Variants in AGTR1 observed in about 807,000 individuals in gnomAD.
The protein encoded by AGTR1 is angiotensin II receptor type 1, also known as type-1 angiotensin II receptor.
In AGTR1, 16 loss-of-function variants were observed where a neutral mutation model predicts 19.4. The ratio of observed to expected loss-of-function variants is 0.82; its 90% CI spans 0.56 to 1.25. The LOEUF (loss-of-function observed/expected upper bound fraction) is 1.25. Among genes scored for constraint, AGTR1 ranks in the 50% most tolerant of loss-of-function variants. The pLI is 0.00. For synonymous variants in AGTR1, 153 were observed against 154.9 expected (o/e 0.99, Z 0.09); for missense variants, 373 against 431.9 (o/e 0.86, Z 1.21).
intron 1 of AGTR1, among the ~76,000 whole-genome samples, chr3:148,706,870 C>A (rs1390773690): frequency 6.6e-6 from 1 of 151,824 alleles, no homozygotes; most frequent in Non-Finnish European, 1.5e-5. Flanking sequence ...ATTGGTATAA[C>A]CTTAACGGAG....
intron 2 of AGTR1, among the ~76,000 whole-genome samples, chr3:148,709,841 T>G (rs1712881684): frequency 6.6e-6 from 1 of 152,110 alleles, no homozygotes; most frequent in Admixed American, 6.6e-5. Flanking sequence ...ACCAAAAAAT[T>G]TATGCTGAAA....
chr3:148,700,872 T>G (rs1325738081), intron 1 of AGTR1, among the ~76,000 whole-genome samples: 1 of 152,222 alleles, frequency 6.6e-6, no homozygotes, highest in Non-Finnish European at 1.5e-5. Flanking sequence ...TTTTCAAAAT[T>G]GCCTAAGATC....
intron 2 of AGTR1, among the ~76,000 whole-genome samples, chr3:148,729,182 G>A (rs774172175): frequency 4.6e-5 from 7 of 152,190 alleles, no homozygotes; most frequent in Non-Finnish European, 8.8e-5. Context: ...GTCACGTGCT[G>A]AACGTGAAGG....
At chr3:148,715,707 G>A (rs1713270368) in intron 2 of AGTR1, among the ~76,000 whole-genome samples, 1 of 152,096 alleles carries the variant, frequency 6.6e-6, no homozygotes, top group Non-Finnish European at 1.5e-5. Context: ...ATTTTAGCAA[G>A]CATATTTCAA....
At chr3:148,731,299 T>TGGG (rs1420367713) in intron 2 of AGTR1, 1 of 152,174 alleles carries the variant, frequency 6.6e-6, no homozygotes, top group African/African-American at 2.4e-5. Context: ...TATACGTTGT[T>TGGG]CAGATTTGCC....
rs775785296 is a variant in AGTR1, at chr3:148,741,713, T to C, written c.678T>C (p.Tyr226=). 12 of 1,614,122 alleles carry C rather than the reference T, an allele frequency of 7.4e-6. No individual in the cohort carries two copies. The highest frequency in any genetic ancestry group is 1.0e-5 in the Non-Finnish European group (12 of 1,179,986). ...TTTGGAAGGCCCTAAAGAAGGCTTA[T>C]GAAATTCAGAAGAACAAACCAAGAA... The part of the protein sequence containing the change: ...TLIWKALKKA[Y]EIQKNKPRND... Residue 226 remains tyrosine (Y), a synonymous_variant, in exon 3 of 3, where the codon TAT becomes TAC. Transcript: ENST00000349243.
chr3:148,730,594 A>T (rs1714199956), intron 2 of AGTR1: 1 of 167,024 alleles, frequency 6.0e-6, no homozygotes, highest in Non-Finnish European at 1.3e-5. Context: ...TGTTTGTTGG[A>T]TTGGTTTTGC....
At chr3:148,725,985 A>G (rs969544562) in intron 2 of AGTR1, among the ~76,000 whole-genome samples, 1 of 152,202 alleles carries the variant, frequency 6.6e-6, no homozygotes, top group Non-Finnish European at 1.5e-5. Flanking sequence ...TAGTGTATTC[A>G]TACTGAATGG....
chr3:148,741,192 A>G lies in AGTR1; in HGVS notation c.157A>G (p.Ile53Val). ...IFGNSLVVIV[I>V]YFYMKLKTVA... ...TGGAAACAGCTTGGTGGTGATAGTC[A>G]TTTACTTTTATATGAAGCTGAAGAC... The change falls in exon 3 of 3, where the codon ATT becomes GTT. Residue 53 changes from isoleucine to valine, a missense_variant. By Grantham distance (29) the Ile-to-Val change is conservative (BLOSUM62 3). Coordinates refer to ENST00000349243, the MANE Select transcript of AGTR1 (RefSeq NM_000685.5). 1 of 1,614,092 alleles carries G rather than the reference A, an allele frequency of 6.2e-7. No homozygotes were observed. The highest frequency in any genetic ancestry group is 1.1e-5 in the South Asian group (1 of 91,080).
At chr3:148,717,301 CA>C (rs575940441) in intron 2 of AGTR1, among the ~76,000 whole-genome samples, 170 of 150,636 alleles carry the variant, frequency 1.1e-3, no homozygotes, top group African/African-American at 3.7e-3. Context: ...TTTAATCCAA[CA>C]AAAAAAAATA....
chr3:148,706,814 A>G (rs1257921926), intron 1 of AGTR1, among the ~76,000 whole-genome samples: 1 of 152,080 alleles, frequency 6.6e-6, no homozygotes, highest in Non-Finnish European at 1.5e-5. Flanking sequence ...TACTTATCAG[A>G]TAAAGAAAAA....
chr3:148,711,881 T>C (rs1713004820), intron 2 of AGTR1, among the ~76,000 whole-genome samples: 1 of 152,048 alleles, frequency 6.6e-6, no homozygotes, highest in Non-Finnish European at 1.5e-5. Context: ...CCCAAGTATC[T>C]AGGACTACAG....
intron 2 of AGTR1, among the ~76,000 whole-genome samples, chr3:148,711,537 T>C (rs1170326357): frequency 6.6e-6 from 1 of 152,152 alleles, no homozygotes; most frequent in Non-Finnish European, 1.5e-5. Context: ...GCAAGATAAA[T>C]GCTAGTCATT....
At chr3:148,703,574 G>C (rs1434465703) in intron 1 of AGTR1, among the ~76,000 whole-genome samples, 1 of 152,108 alleles carries the variant, frequency 6.6e-6, no homozygotes, top group African/African-American at 2.4e-5. Flanking sequence ...ACAACCCTGT[G>C]AGATAGTTTC....
intron 1 of AGTR1, among the ~76,000 whole-genome samples, chr3:148,699,877 T>C (rs902071205): frequency 6.6e-6 from 1 of 152,172 alleles, no homozygotes; most frequent in African/African-American, 2.4e-5. Context: ...TCTGCTCTTC[T>C]TTGACCTTAA....
chr3:148,718,726 G>C (rs1256952225), intron 2 of AGTR1, among the ~76,000 whole-genome samples: 1 of 152,130 alleles, frequency 6.6e-6, no homozygotes, highest in Non-Finnish European at 1.5e-5. Flanking sequence ...CCTCATAAAA[G>C]TAGTAAAATT....
intron 2 of AGTR1, among the ~76,000 whole-genome samples, chr3:148,723,797 T>C (rs12721242): frequency 0.011 from 1,725 of 152,224 alleles, 37 homozygotes; most frequent in African/African-American, 0.04. Context: ...TGTTTTACCG[T>C]AACCTCCAAC....
intron 2 of AGTR1, among the ~76,000 whole-genome samples, chr3:148,736,443 C>G (rs940302919): frequency 6.6e-6 from 1 of 152,194 alleles, no homozygotes; most frequent in African/African-American, 2.4e-5. Flanking sequence ...TTTCTTTACT[C>G]TCACGCTTTC....
chr3:148,710,733 G>A (rs934891721), intron 2 of AGTR1, among the ~76,000 whole-genome samples: 4 of 152,050 alleles, frequency 2.6e-5, no homozygotes, highest in Admixed American at 6.6e-5. Context: ...CACTGATAAG[G>A]TTTGGATATT....
Sources: gnomAD v4.1 joint callset for allele counts (sites outside exome capture counted in the v4.1 genomes callset) on GRCh38, gnomAD v4.1.1 for gene constraint, MANE v1.5 for transcripts, NCBI Gene and HGNC (gene_info 2026-07-23, HGNC 2026-07-21) for gene names.